TBXAS1: variants seen among roughly 807,000 people sequenced by gnomAD.
TBXAS1 encodes thromboxane A synthase 1.
TBXAS1 carries 48 observed loss-of-function variants against 60.7 expected under a neutral mutation model. The ratio of observed to expected loss-of-function variants is 0.79; its 90% CI spans 0.63 to 1.01. The LOEUF (loss-of-function observed/expected upper bound fraction) is 1.01, where lower values mean the gene tolerates loss of function less well. Among genes scored for constraint, TBXAS1 ranks in the 50% least tolerant of loss-of-function variants. The pLI, the probability that TBXAS1 is intolerant of heterozygous loss-of-function variation, is 0.00. For synonymous variants in TBXAS1, 287 were observed against 269.7 expected, an observed-to-expected ratio of 1.06 and a Z score of -0.63; for missense variants, 685 against 686.3, an observed-to-expected ratio of 1.00 and a Z score of 0.02.
At chr7:139,917,105 CT>C (rs1444557935) in intron 4 of TBXAS1, among the ~76,000 whole-genome samples, 8 of 152,196 alleles carry the variant, frequency 5.3e-5, no homozygotes, top group Non-Finnish European at 1.2e-4. Flanking sequence ...ACCTTGCCAA[CT>C]TTTTTTAGCT....
chr7:139,936,531 CTG>C (rs1807807769), intron 5 of TBXAS1, among the ~76,000 whole-genome samples: 2 of 152,186 alleles, frequency 1.3e-5, no homozygotes, highest in Admixed American at 1.3e-4. Context: ...CATAAATGAA[CTG>C]TGAGTCAACA....
chr7:139,964,794 G>A (rs566304373), intron 9 of TBXAS1, among the ~76,000 whole-genome samples: 7 of 152,352 alleles, frequency 4.6e-5, no homozygotes, highest in African/African-American at 1.4e-4. Context: ...GGCAGTAGAA[G>A]GCAGAAGATA....
chr7:139,905,068 T>TCC (rs1804957175), intron 3 of TBXAS1, among the ~76,000 whole-genome samples: 1 of 136,786 alleles, frequency 7.3e-6, no homozygotes, highest in Admixed American at 7.5e-5. Flanking sequence ...TCTCTCTCTC[T>TCC]CTCTCTCTTT....
At chr7:139,928,035 T>C (rs1401779780) in intron 4 of TBXAS1, among the ~76,000 whole-genome samples, 1 of 152,212 alleles carries the variant, frequency 6.6e-6, no homozygotes, top group Non-Finnish European at 1.5e-5. Context: ...TGATGTCAAA[T>C]AGAAGTGTAA....
chr7:139,984,643 A>G (rs901708556), intron 9 of TBXAS1, among the ~76,000 whole-genome samples: 6 of 84,674 alleles, frequency 7.1e-5, no homozygotes, highest in African/African-American at 2.6e-4. Context: ...AGAGAGAGAG[A>G]AAGAAAGAAA....
chr7:139,911,253 G>A lies in TBXAS1; in HGVS notation c.265G>A (p.Val89Ile), dbSNP rs149814692. The change falls in exon 4 of 13, where the codon GTT (valine) becomes ATT (isoleucine). Residue 89 changes from valine to isoleucine, a missense_variant. By Grantham distance (29) the Val-to-Ile change is conservative. Coordinates refer to ENST00000448866, the MANE Select transcript of TBXAS1 (RefSeq NM_001061.7). ...GYYLGRRMFI[V>I]ISEPDMIKQV... ...CTATCTTGGTCGTCGGATGTTTATT[G>A]TTATTTCTGAGCCAGACATGATCAA... The A allele has an allele frequency of 4.6e-5, 75 of 1,614,010 alleles. No homozygotes were observed. The highest frequency in any genetic ancestry group is 6.1e-5 in the Non-Finnish European group (72 of 1,180,020).
At chr7:139,883,624 C>A (rs975426667) in intron 3 of TBXAS1, among the ~76,000 whole-genome samples, 1 of 152,242 alleles carries the variant, frequency 6.6e-6, no homozygotes, top group Non-Finnish European at 1.5e-5. Flanking sequence ...CTTCAACTTT[C>A]TTTCTCTCTA....
In TBXAS1 at chr7:139,986,722, C is replaced by CATATATATAT. The variant is rs1430609067; in HGVS notation, c.1135-20361_1135-20352dup. Among the ~76,000 whole-genome samples, 32 of 65,682 alleles carry CATATATATAT rather than the reference C, an allele frequency of 4.9e-4. 1 individual carries two copies. Among genetic ancestry groups the CATATATATAT allele is most frequent in the African/African-American group, 9.0e-4 (12 of 13,268 alleles). 43.1% of individuals were successfully genotyped at this position (65,682 alleles called of 152,430 possible). A position where few individuals can be genotyped will look rare whatever the true frequency, so the allele number is the denominator to read the frequency against. ...TTTTTATGGCTGAGTAGTATTCCAT[C>CATATATATAT]ATATATATATATATATACATACATA... On this transcript the variant is annotated intron_variant, in intron 9 of 12. Coordinates refer to ENST00000448866, the MANE Select transcript of TBXAS1 (RefSeq NM_001061.7).
chr7:139,867,758 A>C (rs1266522875), intron 1 of TBXAS1, among the ~76,000 whole-genome samples: 1 of 152,170 alleles, frequency 6.6e-6, no homozygotes, highest in Non-Finnish European at 1.5e-5. Context: ...AGGAGGTTGC[A>C]GTGAACTGAG....
At chr7:139,958,007 G>C (rs1366726749) in intron 8 of TBXAS1, among the ~76,000 whole-genome samples, 1 of 152,178 alleles carries the variant, frequency 6.6e-6, no homozygotes, top group Admixed American at 6.5e-5. Flanking sequence ...CTCGGACACG[G>C]ACGGGTAGAA....
chr7:139,830,973 G>A (rs777681442), intron 1 of TBXAS1, among the ~76,000 whole-genome samples: 8 of 151,984 alleles, frequency 5.3e-5, no homozygotes, highest in Non-Finnish European at 7.4e-5. Context: ...GCAGCTATGT[G>A]TTTGCTGTCT....
chr7:139,829,286 T>C lies in TBXAS1; in HGVS notation c.-105T>C, dbSNP rs1798550954. 3.0e-6 allele frequency: 3 copies of C among 1,004,272 alleles called. No homozygotes were observed. In the African/African-American group the frequency reaches 4.8e-5, roughly 16 times the overall value. The allele number at this position is 1,004,272 out of a possible 1,614,324, so 62.2% of individuals were successfully genotyped here. ...CCCACTCCATGTGATGTTTGCTTGG[T>C]TGCCTGTTCCCTTTTCTACCTGCAG... On this transcript the variant is annotated 5_prime_UTR_variant, in exon 1 of 13. Coordinates refer to ENST00000448866, the MANE Select transcript of TBXAS1 (RefSeq NM_001061.7).
intron 3 of TBXAS1, among the ~76,000 whole-genome samples, chr7:139,909,021 TA>T (rs200344105): frequency 3.9e-5 from 6 of 152,078 alleles, no homozygotes; most frequent in African/African-American, 1.4e-4. Flanking sequence ...TGGTTCCTGA[TA>T]AAAAAAACCT....
chr7:139,831,296 C>T (rs1798685077), intron 1 of TBXAS1, among the ~76,000 whole-genome samples: 1 of 152,100 alleles, frequency 6.6e-6, no homozygotes, highest in African/African-American at 2.4e-5. Flanking sequence ...GCTTTTGGGT[C>T]CATCCCTTGA....
Position 139,953,562 on chromosome 7 carries a change from C to T in TBXAS1, c.539+106C>T, listed in dbSNP as rs556148856. 102 of 1,074,158 alleles carry T rather than the reference C, an allele frequency of 9.5e-5. 1 individual carries two copies. In the South Asian group the frequency reaches 1.2e-3, roughly 13 times the overall value. The allele number at this position is 1,074,158 out of a possible 1,614,324, so 66.5% of individuals were successfully genotyped here. Reference sequence around the variant, plus strand: ...CCTTGGGACTAGCAAACTGTGGAAACGCTAGAAGCTCATAAAAGCATGGAT... The same window carrying T: ...CCTTGGGACTAGCAAACTGTGGAAATGCTAGAAGCTCATAAAAGCATGGAT... On this transcript the variant is annotated intron_variant, in intron 6 of 12. Transcript: ENST00000448866.
At chr7:139,918,264 CT>C (rs960783154) in intron 4 of TBXAS1, among the ~76,000 whole-genome samples, 1 of 152,146 alleles carries the variant, frequency 6.6e-6, no homozygotes, top group Non-Finnish European at 1.5e-5. Flanking sequence ...CAATTTCCTC[CT>C]GTGTAAAATA....
intron 1 of TBXAS1, 21 bp from the exon 2 acceptor site, chr7:139,872,214 G>T (rs1384484387): frequency 6.2e-7 from 1 of 1,608,692 alleles, no homozygotes; most frequent in Admixed American, 1.7e-5. Context: ...CTCAGCTTTT[G>T]AAATCTGCTT....
At chr7:139,876,906 A>G (rs117986514) in intron 3 of TBXAS1, among the ~76,000 whole-genome samples, 2,332 of 151,926 alleles carry the variant, frequency 0.015, 33 homozygotes, top group African/African-American at 0.034. Context: ...GCTGGGGAGG[A>G]CCTCATGTGG....
At chr7:139,800,957 T>C (rs1258520635) in intron 4 of TBXAS1, among the ~76,000 whole-genome samples, 6 of 152,224 alleles carry the variant, frequency 3.9e-5, no homozygotes, top group Admixed American at 1.3e-4. Context: ...CTCTCATTTG[T>C]TCCTTCCCTG....
Sources: allele counts gnomAD v4.1 joint callset (sites outside exome capture counted in the v4.1 genomes callset), GRCh38; gene constraint gnomAD v4.1.1; transcripts MANE v1.5; gene names NCBI Gene and HGNC (gene_info 2026-07-23, HGNC 2026-07-21).